The following DUS1L variants were observed in gnomAD, a reference collection of about 807,000 sequenced individuals.
DUS1L encodes tRNA-dihydrouridine(16/17) synthase [NAD(P)(+)]-like.
In DUS1L, 56 loss-of-function variants were observed where a neutral mutation model predicts 61.2. That is an observed-to-expected ratio of 0.92 (90% CI 0.74 to 1.14). The LOEUF is 1.14. Ranked by LOEUF, DUS1L falls within the 50% of genes most tolerant of loss-of-function variation. DUS1L has a pLI of 0.00. For missense variants in DUS1L, 630 were observed against 632.4 expected, an observed-to-expected ratio of 1.00 and a Z score of 0.04; for synonymous variants, 278 against 259.5, an observed-to-expected ratio of 1.07 and a Z score of -0.69.
chr17:82,065,183 A>G (rs1374160708), intron 1 of DUS1L, 114 bp from the exon 2 acceptor site: 44 of 885,974 alleles, frequency 5.0e-5, no homozygotes, highest in Middle Eastern at 4.7e-4. Flanking sequence ...GTTGGGTCAC[A>G]CGCGGGGGCA....
chr17:82,058,980 T>G, intron 11 of DUS1L, 162 bp from the exon 12 acceptor site: 1 of 663,212 alleles, frequency 1.5e-6, no homozygotes, highest in Non-Finnish European at 2.7e-6. Flanking sequence ...GCTGGCCACG[T>G]CTGCTTTTCC....
intron 11 of DUS1L, chr17:82,059,095 T>TC (rs2033284498): frequency 2.0e-6 from 1 of 501,356 alleles, no homozygotes; most frequent in East Asian, 3.3e-5. Context: ...GCCTTATCTG[T>TC]CCTACCCCCA....
At chr17:82,062,027 G>T in intron 5 of DUS1L, 44 bp from the exon 6 acceptor site, 1 of 1,494,690 alleles carries the variant, frequency 6.7e-7, no homozygotes, top group Non-Finnish European at 9.0e-7. Context: ...AGCCCCTTCC[G>T]CCCCTCAGAG....
At position 82,059,976 on chromosome 17, in the gene DUS1L, G is replaced by A. The variant is rs141586689; in HGVS notation, c.1140C>T (p.Pro380=). Reference sequence around the variant, plus strand: ...TCAGAGAGGGGTCGAAGGTCTTGTGGGGGTTCCTCAGCTGCTTCTTTTGCT... The same window carrying A: ...TCAGAGAGGGGTCGAAGGTCTTGTGAGGGTTCCTCAGCTGCTTCTTTTGCT... ...KNKQKKQLRN[P]HKTFDPSLKP... is the part of the protein sequence containing the mutation. Residue 380 remains proline, a synonymous_variant, in exon 11 of 14, where the codon CCC becomes CCT. Transcript: ENST00000306796. The A allele has an allele frequency of 4.3e-5, 70 of 1,613,882 alleles. No homozygotes were observed. Among genetic ancestry groups the A allele is most frequent in the Non-Finnish European group, 5.7e-5 (67 of 1,180,004 alleles).
At chr17:82,062,093 C>T in intron 5 of DUS1L, 110 bp from the exon 6 acceptor site, 1 of 967,502 alleles carries the variant, frequency 1.0e-6, no homozygotes, top group Non-Finnish European at 1.5e-6. Context: ...CGAGCCCCCT[C>T]TGCCCCTCCC....
chr17:82,060,911 A>G lies in DUS1L; in HGVS notation c.893T>C (p.Leu298Pro), dbSNP rs1386676369. The G allele has an allele frequency of 6.2e-7, 1 of 1,611,292 alleles. No homozygotes were observed. Among genetic ancestry groups the G allele is most frequent in the African/African-American group, 1.3e-5 (1 of 74,920 alleles). Residue 298 changes from leucine to proline, a missense_variant, in exon 9 of 14, where the codon CTG becomes CCG. Physicochemically the swap from Leu to Pro is moderately conservative, Grantham distance 98 (BLOSUM62 -3). Coordinates refer to ENST00000306796, the MANE Select transcript of DUS1L (RefSeq NM_022156.5). ...CTGGCTCACAGCAGCGATGCCCTCC[A>G]GGGTCTTCACCTTGGCCAGCTCCTC... Reference protein sequence around the residue: ...LREELAKVKTLEGIAAVSQEL... With the variant: ...LREELAKVKTPEGIAAVSQEL...
rs542508083 is a variant in DUS1L at position 82,059,788 on chromosome 17, C to G, written c.1168+160G>C. Reference sequence around the variant, plus strand: ...CTGCACAGGGTCCCCGTTCTGACCCCAAGTCTGGCTGACTACTCCGCCAAG... The same window carrying G: ...CTGCACAGGGTCCCCGTTCTGACCCGAAGTCTGGCTGACTACTCCGCCAAG... On this transcript the variant is annotated intron_variant, in intron 11 of 13. Transcript: ENST00000306796. 6.8e-6 allele frequency: 7 copies of G among 1,030,348 alleles called. No individual in the cohort carries two copies. The African/African-American group carries it at 9.6e-5, about 14-fold the overall frequency. 63.8% of individuals were successfully genotyped at this position (1,030,348 alleles called of 1,614,324 possible).
intron 4 of DUS1L, 103 bp from the exon 5 acceptor site, chr17:82,063,076 T>G: frequency 9.4e-7 from 1 of 1,061,956 alleles, no homozygotes; most frequent in Non-Finnish European, 1.4e-6. Context: ...CCAGGCAGCT[T>G]TGCCGGGAGG....
chr17:82,058,594 T>TC (rs768784916), intron 12 of DUS1L, 178 bp from the exon 13 acceptor site: 10 of 1,462,194 alleles, frequency 6.8e-6, no homozygotes, highest in Middle Eastern at 5.1e-4. Context: ...CAGACTCTCT[T>TC]CCCCTCCAGG....
chr17:82,060,433 G>T, intron 10 of DUS1L: 1 of 588,760 alleles, frequency 1.7e-6, no homozygotes, highest in East Asian at 2.8e-5. Context: ...GGAGCTCAGA[G>T]AAGTATGTTA....
intron 8 of DUS1L, 104 bp downstream of exon 8, chr17:82,061,105 C>T: frequency 6.5e-7 from 1 of 1,544,654 alleles, no homozygotes; most frequent in Non-Finnish European, 8.8e-7. Flanking sequence ...CCTGACTTAG[C>T]AGCAAGTTGT....
intron 5 of DUS1L, 118 bp from the exon 6 acceptor site, chr17:82,062,101 CCCAGCCCTGTGCCCCAT>C: frequency 1.1e-6 from 1 of 893,286 alleles, no homozygotes; most frequent in Non-Finnish European, 1.7e-6. Context: ...CTCTGCCCCT[CCCAGCCCTGTGCCCCAT>C]GCCCGACTGC....
chr17:82,059,824 G>A lies in DUS1L; in HGVS notation c.1168+124C>T, dbSNP rs113925502. The stretch of plus-strand genomic sequence containing the variant: ...GACTACTCCGCCAAGCCCTCCAGGT[G>A]TCTGCTTCCAGCTCTGGGCCTTGAG... On this transcript the variant is annotated intron_variant, in intron 11 of 13. Transcript: ENST00000306796. 1.1e-5 allele frequency: 15 copies of A among 1,413,204 alleles called. No individual in the cohort carries two copies. In the African/African-American group the frequency reaches 1.3e-4, roughly 12 times the overall value. The allele number at this position is 1,413,204 out of a possible 1,614,324, so 87.5% of individuals were successfully genotyped here.
At chr17:82,061,748 A>C (rs1598555476) in intron 6 of DUS1L, 27 bp from the exon 7 acceptor site, 5 of 1,611,014 alleles carry the variant, frequency 3.1e-6, no homozygotes, top group Non-Finnish European at 4.2e-6. Flanking sequence ...GCCTGTTTCC[A>C]CCCGCCCGGA....
Position 82,058,097 on chromosome 17 carries a change from G to C in DUS1L, c.*18C>G, listed in dbSNP as rs1218539975. On this transcript the variant is annotated 3_prime_UTR_variant, in exon 14 of 14. Transcript: ENST00000306796. The stretch of plus-strand genomic sequence containing the variant: ...TCCAGGCTCCAGCAGCAGTCCTGGG[G>C]GTGGGGGTTGTGGGCCTTCAGGCCA... 6.6e-7 allele frequency: 1 copy of C among 1,526,298 alleles called. No individual in the cohort carries two copies. The highest frequency in any genetic ancestry group is 1.2e-5 in the South Asian group (1 of 80,734). 94.5% of individuals were successfully genotyped at this position (1,526,298 alleles called of 1,614,324 possible).
intron 10 of DUS1L, 148 bp from the exon 11 acceptor site, chr17:82,060,241 C>T (rs969811202): frequency 1.9e-6 from 2 of 1,063,710 alleles, no homozygotes; most frequent in Non-Finnish European, 2.6e-6. Context: ...CTCGGGCAGC[C>T]CATTCAGGAC....
At chr17:82,059,003 T>C (rs1031603873) in intron 11 of DUS1L, 185 bp from the exon 12 acceptor site, 19 of 616,728 alleles carry the variant, frequency 3.1e-5, no homozygotes, top group Admixed American at 7.9e-5. Context: ...CCGTGAGCAA[T>C]GGGTGAGGGG....
At chr17:82,065,096 T>C (rs1346862152) in intron 1 of DUS1L, 27 bp from the exon 2 acceptor site, 1 of 1,549,582 alleles carries the variant, frequency 6.5e-7, no homozygotes, top group South Asian at 1.2e-5. Context: ...GACCCGGGGT[T>C]CAGCCAGGCC....
chr17:82,064,383 G>T, intron 2 of DUS1L, 149 bp from the exon 3 acceptor site: 1 of 659,592 alleles, frequency 1.5e-6, no homozygotes, highest in Non-Finnish European at 2.6e-6. Context: ...CTTACAATAT[G>T]ACAAAGCCGG....
Sources: allele counts gnomAD v4.1 joint callset, GRCh38; gene constraint gnomAD v4.1.1; transcripts MANE v1.5; gene names NCBI Gene and HGNC (gene_info 2026-07-23, HGNC 2026-07-21).